The following EPC2 variants were observed in gnomAD, a reference collection of about 807,000 sequenced individuals.
EPC2 encodes the protein enhancer of polycomb homolog 2.
Under a neutral mutation model 92.1 loss-of-function variants are expected in EPC2, and 14 were observed. The observed-to-expected ratio is 0.15, with a 90% CI of 0.10 to 0.24. The LOEUF (loss-of-function observed/expected upper bound fraction) is 0.24. EPC2 is among the 10% of genes least tolerant of loss of function. The pLI is 1.00. For synonymous variants in EPC2, 340 were observed against 334.7 expected (o/e 1.02, Z -0.17); for missense variants, 755 against 971.5 (o/e 0.78, Z 2.96).
At chr2:148,780,282 T>A (rs1683721989) in intron 10 of EPC2, among the ~76,000 whole-genome samples, 1 of 152,176 alleles carries the variant, frequency 6.6e-6, no homozygotes, top group East Asian at 1.9e-4. Flanking sequence ...CAATACAAAT[T>A]TTAATGGTAA....
chr2:148,651,839 A>G (rs191829344), intron 1 of EPC2, among the ~76,000 whole-genome samples: 23 of 152,312 alleles, frequency 1.5e-4, no homozygotes, highest in Admixed American at 1.5e-3. Flanking sequence ...AGGTGTTACT[A>G]CTTCTTTTTC....
chr2:148,679,039 A>T (rs1574577467), intron 1 of EPC2, among the ~76,000 whole-genome samples: 1 of 152,338 alleles, frequency 6.6e-6, no homozygotes, highest in East Asian at 1.9e-4. Flanking sequence ...ACAGAGTGCG[A>T]CCCTGTCACT....
rs200707163 is a variant in EPC2 at position 148,743,736 on chromosome 2, T to C, written c.428T>C (p.Ile143Thr). ...AAGCCTTTGCAATTTGAAATTATGA[T>C]TGACAGACTTGAAAAAGCCAGTTCT... ...EIKPLQFEIM[I>T]DRLEKASSNQ... is the part of the protein sequence containing the mutation. The change falls in exon 3 of 14, where the codon ATT becomes ACT. Residue 143 changes from isoleucine (I) to threonine (T), a missense_variant. Around this residue, in one of 4 missense-constraint regions of EPC2, gnomAD observed 509 missense variants for 607.7 expected, o/e 0.84. Coordinates refer to ENST00000258484, the MANE Select transcript of EPC2 (RefSeq NM_015630.4). 1.2e-6 allele frequency: 2 copies of C among 1,602,218 alleles called. No homozygotes were observed. The highest frequency in any genetic ancestry group is 1.7e-5 in the Admixed American group (1 of 57,720).
At chr2:148,743,217 GA>G (rs1682914886) in intron 2 of EPC2, among the ~76,000 whole-genome samples, 1 of 151,384 alleles carries the variant, frequency 6.6e-6, no homozygotes, top group East Asian at 1.9e-4. Context: ...TTTTTCATTA[GA>G]TACCTGTTTT....
chr2:148,657,279 G>C (rs1171004436), intron 1 of EPC2, among the ~76,000 whole-genome samples: 2 of 152,122 alleles, frequency 1.3e-5, no homozygotes, highest in Non-Finnish European at 2.9e-5. Flanking sequence ...TAAAAGCCAA[G>C]TACTTGGAAG....
intron 3 of EPC2, among the ~76,000 whole-genome samples, chr2:148,749,435 C>A (rs1004679026): frequency 5.3e-5 from 8 of 151,106 alleles, no homozygotes; most frequent in Non-Finnish European, 1.5e-5. Flanking sequence ...TTAGAAAATT[C>A]AAATTAAAAG....
intron 2 of EPC2, among the ~76,000 whole-genome samples, chr2:148,712,246 T>G (rs902674229): frequency 2.5e-4 from 37 of 150,260 alleles, no homozygotes; most frequent in South Asian, 1.9e-3. Context: ...TGTGTGGGGG[T>G]GTGTGTGTGT....
chr2:148,773,479 A>C (rs1314133021), intron 10 of EPC2, among the ~76,000 whole-genome samples: 1 of 152,144 alleles, frequency 6.6e-6, no homozygotes, highest in Non-Finnish European at 1.5e-5. Flanking sequence ...AGGCTTAAGC[A>C]ACAAGTAAGG....
chr2:148,749,557 A>G (rs1344321504), intron 3 of EPC2, among the ~76,000 whole-genome samples: 1 of 151,986 alleles, frequency 6.6e-6, no homozygotes, highest in African/African-American at 2.4e-5. Context: ...GATGGGGCAG[A>G]CCACAAGCAG....
intron 2 of EPC2, among the ~76,000 whole-genome samples, chr2:148,730,707 G>T (rs908442729): frequency 6.6e-6 from 1 of 152,134 alleles, no homozygotes; most frequent in African/African-American, 2.4e-5. Context: ...ATCTCCTTAG[G>T]GTTGAGAAGT....
chr2:148,732,832 C>T (rs1337093173), intron 2 of EPC2, among the ~76,000 whole-genome samples: 2 of 151,162 alleles, frequency 1.3e-5, no homozygotes, highest in African/African-American at 2.4e-5. Context: ...TGCAATTTTG[C>T]ATATAAAGGA....
intron 2 of EPC2, among the ~76,000 whole-genome samples, chr2:148,724,215 T>A (rs140799211): frequency 4.5e-4 from 68 of 152,240 alleles, no homozygotes; most frequent in Middle Eastern, 3.4e-3. Flanking sequence ...TTTATTTTTT[T>A]AAAAATAAAT....
intron 2 of EPC2, among the ~76,000 whole-genome samples, chr2:148,715,366 T>C (rs942153516): frequency 6.6e-6 from 1 of 152,210 alleles, no homozygotes; most frequent in Admixed American, 6.5e-5. Context: ...GGGTTTTCCA[T>C]TTAAGTCTTT....
At chr2:148,700,356 A>AT (rs1681846948) in intron 2 of EPC2, among the ~76,000 whole-genome samples, 1 of 152,068 alleles carries the variant, frequency 6.6e-6, no homozygotes, top group Non-Finnish European at 1.5e-5. Flanking sequence ...TGTAGACTGC[A>AT]TTTTATATGT....
At position 148,767,457 on chromosome 2, in the gene EPC2, T is replaced by A. The variant is rs539562650; in HGVS notation, c.1141-1694T>A. ...ATTGTTTGTATTAGGTCTTAGACAA[T>A]CCTCATTAATTTTATGGTATCTCCA... On this transcript the variant is annotated intron_variant, in intron 7 of 13. Coordinates refer to ENST00000258484, the MANE Select transcript of EPC2 (RefSeq NM_015630.4). Among the ~76,000 whole-genome samples the A allele has an allele frequency of 3.3e-5, 5 of 152,190 alleles. No homozygotes were observed. The East Asian group carries it at 7.7e-4, about 23-fold the overall frequency.
Position 148,716,640 on chromosome 2 carries a change from G to A in EPC2, c.313+26267G>A, listed in dbSNP as rs145452461. ...GGTTTTTGATGTGCTGCTAGATTCA[G>A]TCTGCCAGTATTTTGTTGAGTTTTG... is the stretch of plus-strand genomic sequence containing the variant. On this transcript the variant is annotated intron_variant, in intron 2 of 13. Transcript: ENST00000258484. Among the ~76,000 whole-genome samples the A allele has an allele frequency of 2.9e-3, 435 of 152,294 alleles. 1 individual carries two copies. The highest frequency in any genetic ancestry group is 1.0e-2 in the African/African-American group (415 of 41,562).
Position 148,714,853 on chromosome 2 carries a change from AG to A in EPC2, c.313+24482del, listed in dbSNP as rs1397513503. Among the ~76,000 whole-genome samples, 4 of 152,052 alleles carry A rather than the reference AG, an allele frequency of 2.6e-5. No homozygotes were observed. The East Asian group carries it at 7.7e-4, about 29-fold the overall frequency. Reference sequence around the variant, plus strand: ...TTGCAAAAAGTTTCTCCCATTCTGTAGGTTGTCTGTTTACTCTGATGAGAGT... The same window carrying A: ...TTGCAAAAAGTTTCTCCCATTCTGTAGTTGTCTGTTTACTCTGATGAGAGT... On this transcript the variant is annotated intron_variant, in intron 2 of 13. Coordinates refer to ENST00000258484, the MANE Select transcript of EPC2 (RefSeq NM_015630.4).
rs556771831 is a variant in EPC2 at position 148,716,873 on chromosome 2, C to CT, written c.313+26507dup. On this transcript the variant is annotated intron_variant, in intron 2 of 13. Transcript: ENST00000258484. ...AGCTGTGAATCCGTCTGGTCCTGGGCTTTTTTTGGTTGATAGACTATTTAT... is the reference window on the plus strand; with the variant it reads ...AGCTGTGAATCCGTCTGGTCCTGGGCTTTTTTTTGGTTGATAGACTATTTAT... Among the ~76,000 whole-genome samples the CT allele has an allele frequency of 3.2e-4, 49 of 152,108 alleles. No individual in the cohort carries two copies. In the East Asian group the frequency reaches 8.9e-3, roughly 28 times the overall value.
intron 7 of EPC2, among the ~76,000 whole-genome samples, chr2:148,765,602 A>C (rs1427654503): frequency 6.6e-6 from 1 of 152,304 alleles, no homozygotes; most frequent in East Asian, 1.9e-4. Context: ...GGTAATGGCT[A>C]TTTGATTCTA....
Sources: allele counts gnomAD v4.1 joint callset (sites outside exome capture counted in the v4.1 genomes callset), GRCh38; gene constraint gnomAD v4.1.1; regional missense constraint gnomAD v4.1.1; transcripts MANE v1.5; gene names NCBI Gene and HGNC (gene_info 2026-07-23, HGNC 2026-07-21).